RHOBTB2: variants seen among roughly 807,000 people sequenced by gnomAD.
RHOBTB2 encodes the protein Rho related BTB domain containing 2.
In RHOBTB2, 39 loss-of-function variants were observed where a neutral mutation model predicts 66.5. The ratio of observed to expected loss-of-function variants is 0.59; its 90% CI spans 0.45 to 0.77. RHOBTB2 has a LOEUF of 0.77. RHOBTB2 is among the 30% of genes least tolerant of loss of function. The pLI is 0.00. For synonymous variants in RHOBTB2, 390 were observed against 395.0 expected (o/e 0.99, Z 0.15); for missense variants, 755 against 999.1 (o/e 0.76, Z 3.29).
the RHOBTB2 span, among the ~76,000 whole-genome samples, chr8:22,982,142 G>A: frequency 3.3e-5 from 5 of 152,226 alleles, 1 homozygote; most frequent in South Asian, 8.3e-4. Flanking sequence ...CCCAAGTGCA[G>A]GAAGACTCAG....
At chr8:23,015,534 C>T (rs1585197484) in intron 8 of RHOBTB2, 104 bp from the exon 9 acceptor site, 3 of 734,312 alleles carry the variant, frequency 4.1e-6, no homozygotes, top group East Asian at 5.5e-5. Flanking sequence ...AGGGCCTCTG[C>T]GTGCCCTGCA....
upstream of RHOBTB2, chr8:22,999,538 G>C (rs1810692955): frequency 8.7e-7 from 1 of 1,144,476 alleles, no homozygotes; most frequent in Non-Finnish European, 1.1e-6. Flanking sequence ...AACTGCGCGC[G>C]GCAGTGGGCG....
chr8:22,982,271 C>A, the RHOBTB2 span, among the ~76,000 whole-genome samples: 6 of 152,200 alleles, frequency 3.9e-5, no homozygotes, highest in African/African-American at 1.4e-4. Flanking sequence ...CACCTGCTGT[C>A]GGGACACACT....
At chr8:22,965,851 G>A in the RHOBTB2 span, among the ~76,000 whole-genome samples, 1 of 152,144 alleles carries the variant, frequency 6.6e-6, no homozygotes, top group Non-Finnish European at 1.5e-5. Flanking sequence ...AAAGCTTTAT[G>A]GCACTGGATT....
chr8:22,952,526 T>G, the RHOBTB2 span, among the ~76,000 whole-genome samples: 1 of 152,222 alleles, frequency 6.6e-6, no homozygotes, highest in African/African-American at 2.4e-5. Context: ...AATTCTTGCC[T>G]CCTTAGAAGA....
Position 23,006,506 on chromosome 8 carries a change from G to T in RHOBTB2, c.483-222G>T. 1.7e-6 allele frequency: 1 copy of T among 592,428 alleles called. No individual in the cohort carries two copies. Among genetic ancestry groups the T allele is most frequent in the Non-Finnish European group, 3.0e-6 (1 of 334,214 alleles). The allele number at this position is 592,428 out of a possible 1,614,324, so 36.7% of individuals were successfully genotyped here. A position where few individuals can be genotyped will look rare whatever the true frequency, so the allele number is the denominator to read the frequency against. On this transcript the variant is annotated intron_variant, in intron 4 of 9. Transcript: ENST00000251822. The surrounding 1 kb of genome is among the most constrained non-coding windows in gnomAD (Gnocchi z 6.1). ...GCAGTGCTGTCACGGCTTTGTACTG[G>T]GGAGGTCACTGGGGCCTGGCATAGT...
Position 23,010,709 on chromosome 8 carries a change from G to A in RHOBTB2, c.1771+21G>A. The A allele has an allele frequency of 2.5e-6, 4 of 1,612,768 alleles. No individual in the cohort carries two copies. In the South Asian group the frequency reaches 4.4e-5, roughly 18 times the overall value. On this transcript the variant is annotated intron_variant, in intron 7 of 9. Coordinates refer to ENST00000251822, the MANE Select transcript of RHOBTB2 (RefSeq NM_015178.3). The stretch of plus-strand genomic sequence containing the variant: ...CACAGGTAACTAAGCAGTGCACTCG[G>A]GGACCTCCCCGCGGCAGAGGCCAGG...
At chr8:22,967,602 TAAAAA>T in the RHOBTB2 span, among the ~76,000 whole-genome samples, 36 of 57,798 alleles carry the variant, frequency 6.2e-4, no homozygotes, top group African/African-American at 2.1e-3. Flanking sequence ...AAACTCTGTC[TAAAAA>T]AAAAAAAAAA....
At chr8:22,953,500 T>C in the RHOBTB2 span, among the ~76,000 whole-genome samples, 1 of 152,246 alleles carries the variant, frequency 6.6e-6, no homozygotes, top group Non-Finnish European at 1.5e-5. Flanking sequence ...CTCTTGTTCA[T>C]TGCATTCTGC....
the RHOBTB2 span, among the ~76,000 whole-genome samples, chr8:22,969,274 A>G: frequency 1.3e-5 from 2 of 152,240 alleles, no homozygotes; most frequent in African/African-American, 4.8e-5. Context: ...GCATGATTCA[A>G]TTACCTCTCA....
At chr8:22,994,637 C>G (rs1355553616), upstream of RHOBTB2, 3 of 1,550,698 alleles carry the variant, frequency 1.9e-6, no homozygotes, top group Non-Finnish European at 2.6e-6. Context: ...CTTCAGACAG[C>G]ATGTGAGTAG....
chr8:22,964,361 G>A, the RHOBTB2 span, among the ~76,000 whole-genome samples: 3 of 152,160 alleles, frequency 2.0e-5, no homozygotes, highest in Non-Finnish European at 4.4e-5. Context: ...ACATCTGAAT[G>A]GAGCTCATAA....
rs138843061 is a variant in RHOBTB2, at chr8:23,017,788, A to G, written c.*319A>G. ...TCAAAGGGAAAGCCTCCCAGCCTCC[A>G]GGGCTTCTCTGTGTGTCTTGGTTGC... On this transcript the variant is annotated 3_prime_UTR_variant, in exon 10 of 10. Transcript: ENST00000251822. The surrounding 1 kb of genome is among the most constrained non-coding windows in gnomAD (Gnocchi z 5.3). The G allele has an allele frequency of 3.0e-6, 1 of 332,528 alleles. No homozygotes were observed. The highest frequency in any genetic ancestry group is 5.7e-6 in the Non-Finnish European group (1 of 175,148). 20.6% of individuals were successfully genotyped at this position (332,528 alleles called of 1,614,324 possible). A position where few individuals can be genotyped will look rare whatever the true frequency, so the allele number is the denominator to read the frequency against.
Position 23,007,058 on chromosome 8 carries a change from G to A in RHOBTB2, c.813G>A (p.Val271=). Residue 271 remains valine, a synonymous_variant, in exon 5 of 10, where the codon GTG becomes GTA. Transcript: ENST00000251822. ...EDPLCADVIL[V]LQERVRIFAH... ...CGCTCTGCGCGGACGTCATCCTGGTGCTGCAGGAGCGGGTGCGCATCTTTG... is the reference window on the plus strand; with the variant it reads ...CGCTCTGCGCGGACGTCATCCTGGTACTGCAGGAGCGGGTGCGCATCTTTG... The A allele has an allele frequency of 6.2e-7, 1 of 1,610,396 alleles. No homozygotes were observed. Among genetic ancestry groups the A allele is most frequent in the Non-Finnish European group, 8.5e-7 (1 of 1,179,304 alleles).
chr8:23,007,495 T>C lies in RHOBTB2; in HGVS notation c.1250T>C (p.Met417Thr). The change falls in exon 5 of 10, where the codon ATG becomes ACG. Residue 417 changes from methionine to threonine, a missense_variant. By Grantham distance (81) the Met-to-Thr change is moderately conservative. This residue lies in a region of RHOBTB2 where 353 missense variants were observed against 458.2 expected (regional missense o/e 0.77). Transcript: ENST00000251822. ...TCCCGGCTGATGGTGGTGGTGAAGA[T>C]GGACAGTTCCATCCAGCCGGGGCCC... ...YKSRLMVVVK[M>T]DSSIQPGPFR... The C allele has an allele frequency of 6.2e-7, 1 of 1,614,174 alleles. No individual in the cohort carries two copies. The highest frequency in any genetic ancestry group is 8.5e-7 in the Non-Finnish European group (1 of 1,180,024).
intron 6 of RHOBTB2, 31 bp downstream of exon 6, chr8:23,008,142 G>C: frequency 6.8e-7 from 1 of 1,474,276 alleles, no homozygotes; most frequent in Non-Finnish European, 9.4e-7. Context: ...GGGGGAAGGA[G>C]GGAGTGAGAC....
chr8:22,999,098 AG>A (rs1408973840), upstream of RHOBTB2: 1 of 152,408 alleles, frequency 6.6e-6, no homozygotes, highest in Non-Finnish European at 1.5e-5. Flanking sequence ...AAATTCCCAA[AG>A]CAGCAGAGGG....
chr8:23,001,312 C>T (rs150093957), intron 1 of RHOBTB2, among the ~76,000 whole-genome samples: 15 of 150,278 alleles, frequency 1.0e-4, no homozygotes, highest in African/African-American at 2.8e-4. Flanking sequence ...AAGAGAGAGC[C>T]GGAGGGAGAG....
rs886461338 is a variant in RHOBTB2, at chr8:23,004,734, G to A, written c.192+108G>A. 7.6e-5 allele frequency: 85 copies of A among 1,112,536 alleles called. No individual in the cohort carries two copies. In the African/African-American group the frequency reaches 1.2e-3, roughly 15 times the overall value. 68.9% of individuals were successfully genotyped at this position (1,112,536 alleles called of 1,614,324 possible). A position where few individuals can be genotyped will look rare whatever the true frequency, so the allele number is the denominator to read the frequency against. ...CAGAGCTCACGGGAGCCCTCTAGGG[G>A]TGGGACAGGATGGGTTGGGGGCAGC... On this transcript the variant is annotated intron_variant, in intron 2 of 9. Coordinates refer to ENST00000251822, the MANE Select transcript of RHOBTB2 (RefSeq NM_015178.3). The surrounding 1 kb of genome is among the most constrained non-coding windows in gnomAD (Gnocchi z 6.4).
Sources: allele counts gnomAD v4.1 joint callset (sites outside exome capture counted in the v4.1 genomes callset), GRCh38; gene constraint gnomAD v4.1.1; regional missense constraint gnomAD v4.1.1; non-coding constraint Gnocchi (gnomAD v3.1); transcripts MANE v1.5; gene names NCBI Gene and HGNC (gene_info 2026-07-23, HGNC 2026-07-21).